Variants in RAP1GAP2 observed in about 807,000 individuals in gnomAD.
RAP1GAP2 encodes RAP1 GTPase activating protein 2.
Under a neutral mutation model 95.0 loss-of-function variants are expected in RAP1GAP2, and 27 were observed. The observed-to-expected ratio is 0.28, with a 90% confidence interval of 0.21 to 0.39. The LOEUF is 0.39. Ranked by LOEUF, RAP1GAP2 falls within the 10% of genes least tolerant of loss-of-function variation. The pLI is 1.00. For missense variants in RAP1GAP2, 771 were observed against 970.0 expected (o/e 0.79, Z 2.72); for synonymous variants, 373 against 380.9 (o/e 0.98, Z 0.24).
intron 3 of RAP1GAP2, among the ~76,000 whole-genome samples, chr17:2,954,271 A>T (rs2044028692): frequency 6.6e-6 from 1 of 151,078 alleles, no homozygotes; most frequent in African/African-American, 2.4e-5. Context: ...TGCCCAGCTA[A>T]TTTTTTGTAT....
At chr17:2,971,055 A>G (rs1284179503) in intron 8 of RAP1GAP2, among the ~76,000 whole-genome samples, 1 of 152,144 alleles carries the variant, frequency 6.6e-6, no homozygotes, top group African/African-American at 2.4e-5. Context: ...AACTAAATCA[A>G]TCAATCCATC....
chr17:2,941,553 G>T (rs1194428580), intron 3 of RAP1GAP2, among the ~76,000 whole-genome samples: 1 of 152,192 alleles, frequency 6.6e-6, no homozygotes, highest in African/African-American at 2.4e-5. Context: ...GTGAGATGAG[G>T]GAGGCAGTGC....
chr17:2,998,642 G>A (rs1010865669), intron 14 of RAP1GAP2, among the ~76,000 whole-genome samples: 8 of 152,170 alleles, frequency 5.3e-5, no homozygotes, highest in Middle Eastern at 3.4e-3. Context: ...CCATTTGCTC[G>A]CTGTGAGTGT....
intron 3 of RAP1GAP2, among the ~76,000 whole-genome samples, chr17:2,943,160 A>G (rs1190120527): frequency 2.6e-5 from 4 of 152,024 alleles, no homozygotes; most frequent in African/African-American, 4.8e-5. Flanking sequence ...ACAATCACGA[A>G]TCTGTTTTCT....
chr17:2,764,537 A>G (rs1272919040), intron 1 of RAP1GAP2, among the ~76,000 whole-genome samples: 3 of 152,060 alleles, frequency 2.0e-5, no homozygotes, highest in African/African-American at 7.2e-5. Flanking sequence ...CCTGACCAAC[A>G]TGGTGAAACC....
At chr17:2,981,933 A>C (rs970512395) in intron 10 of RAP1GAP2, among the ~76,000 whole-genome samples, 3 of 152,226 alleles carry the variant, frequency 2.0e-5, no homozygotes, top group Admixed American at 6.5e-5. Flanking sequence ...CTGCGTCTTC[A>C]TGGGCCAGCA....
At chr17:2,760,084 G>A (rs1174011935) in intron 1 of RAP1GAP2, among the ~76,000 whole-genome samples, 1 of 151,716 alleles carries the variant, frequency 6.6e-6, no homozygotes, top group Non-Finnish European at 1.5e-5. Flanking sequence ...ATGAAAAATG[G>A]TCTCTTGGAC....
At chr17:2,946,806 G>A (rs559602552) in intron 3 of RAP1GAP2, among the ~76,000 whole-genome samples, 33 of 152,318 alleles carry the variant, frequency 2.2e-4, no homozygotes, top group Admixed American at 4.6e-4. Context: ...CCAGGCTGGC[G>A]TGCAGTGGCG....
In RAP1GAP2 at chr17:2,927,375, G is replaced by A. The variant is rs150613551; in HGVS notation, c.165+22007G>A. On this transcript the variant is annotated intron_variant, in intron 3 of 24. Transcript: ENST00000254695. ...TCACCGTGTTAGCCAGGATGGTCTC[G>A]ATCTCCTGACCTCGTGATCCGCCCG... Among the ~76,000 whole-genome samples the A allele has an allele frequency of 1.4e-3, 209 of 151,586 alleles. 2 individuals carry two copies. The highest frequency in any genetic ancestry group is 2.7e-3 in the South Asian group (13 of 4,786).
intron 2 of RAP1GAP2, among the ~76,000 whole-genome samples, chr17:2,894,493 C>T (rs978251320): frequency 2.0e-5 from 3 of 152,156 alleles, no homozygotes; most frequent in African/African-American, 7.2e-5. Context: ...GGGCCTCCAC[C>T]CCTCCCGTGG....
chr17:2,915,730 G>T (rs906527386), intron 3 of RAP1GAP2, among the ~76,000 whole-genome samples: 1 of 142,166 alleles, frequency 7.0e-6, no homozygotes, highest in East Asian at 2.2e-4. Flanking sequence ...ACAGAGTCTC[G>T]CTCTGTCACC....
intron 1 of RAP1GAP2, 104 bp from the exon 2 acceptor site, chr17:2,800,411 T>C: frequency 7.0e-7 from 1 of 1,423,002 alleles, no homozygotes; most frequent in African/African-American, 1.4e-5. Flanking sequence ...GACAGAGCCC[T>C]GCTGTCTGGT....
At chr17:2,851,808 C>T (rs1348855340) in intron 2 of RAP1GAP2, among the ~76,000 whole-genome samples, 1 of 152,112 alleles carries the variant, frequency 6.6e-6, no homozygotes, top group African/African-American at 2.4e-5. Context: ...CTGGTCTCAA[C>T]TCAAGTGATC....
At chr17:2,949,500 A>G (rs1017107038) in intron 3 of RAP1GAP2, among the ~76,000 whole-genome samples, 9 of 150,406 alleles carry the variant, frequency 6.0e-5, no homozygotes, top group Non-Finnish European at 1.0e-4. Flanking sequence ...CTGAGCATTA[A>G]CTGAGTGCCT....
intron 11 of RAP1GAP2, among the ~76,000 whole-genome samples, chr17:2,988,173 G>C (rs1427154947): frequency 6.6e-6 from 1 of 150,986 alleles, no homozygotes; most frequent in Non-Finnish European, 1.5e-5. Flanking sequence ...TCGTGCCATT[G>C]CACTCCAGCT....
intron 18 of RAP1GAP2, among the ~76,000 whole-genome samples, chr17:3,019,403 C>T (rs1183416043): frequency 6.6e-6 from 1 of 151,762 alleles, no homozygotes; most frequent in Non-Finnish European, 1.5e-5. Flanking sequence ...GTCTTAGCTA[C>T]TTGGGAGACT....
rs1008798436 is a variant in RAP1GAP2, at chr17:2,810,029, C to A, written c.80+9479C>A. On this transcript the variant is annotated intron_variant, in intron 2 of 24. Coordinates refer to ENST00000254695, the MANE Select transcript of RAP1GAP2 (RefSeq NM_015085.5). ...GCTTGTGCTGGGACCCTCCCCTCCC[C>A]CCGCCCCACCCCAGGAGTTCCTTCC... is the stretch of plus-strand genomic sequence containing the variant. Among the ~76,000 whole-genome samples the A allele has an allele frequency of 4.6e-4, 69 of 148,508 alleles. 3 individuals carry two copies. The highest frequency in any genetic ancestry group is 8.2e-4 in the Non-Finnish European group (55 of 66,806).
chr17:2,827,886 G>T lies in RAP1GAP2; in HGVS notation c.80+27336G>T, dbSNP rs542924688. ...CGGTTGCAGCAGGCACGCCAGTGAC[G>T]GTGGGGGCCCAGGGGGAGCGTGGCA... On this transcript the variant is annotated intron_variant, in intron 2 of 24. Coordinates refer to ENST00000254695, the MANE Select transcript of RAP1GAP2 (RefSeq NM_015085.5). This position sits in a 1 kb window ranked among gnomAD's most constrained non-coding sequence, Gnocchi z 4.1. Among the ~76,000 whole-genome samples, 1 of 152,170 alleles carries T rather than the reference G, an allele frequency of 6.6e-6. No individual in the cohort carries two copies. Among genetic ancestry groups the T allele is most frequent in the Non-Finnish European group, 1.5e-5 (1 of 68,032 alleles).
Position 3,005,607 on chromosome 17 carries a change from T to C in RAP1GAP2, c.1272+167T>C, listed in dbSNP as rs1466990847. 1.3e-5 allele frequency among the ~76,000 whole-genome samples: 2 copies of C among 152,144 alleles called. No homozygotes were observed. Among genetic ancestry groups the C allele is most frequent in the Non-Finnish European group, 2.9e-5 (2 of 68,018 alleles). The stretch of plus-strand genomic sequence containing the variant: ...TTGGGGTCTCTCCCCACCTCTTTCA[T>C]GCTGCCAGTCTGGCCCAGCATAGGA... On this transcript the variant is annotated intron_variant, in intron 15 of 24. Transcript: ENST00000254695. The surrounding 1 kb of genome is among the most constrained non-coding windows in gnomAD (Gnocchi z 5.2).
Sources: allele counts gnomAD v4.1 joint callset (sites outside exome capture counted in the v4.1 genomes callset), GRCh38; gene constraint gnomAD v4.1.1; non-coding constraint Gnocchi (gnomAD v3.1); transcripts MANE v1.5; gene names NCBI Gene and HGNC (gene_info 2026-07-23, HGNC 2026-07-21).